Variants in LTN1 observed in about 807,000 individuals in gnomAD.
The protein encoded by LTN1 is E3 ubiquitin-protein ligase listerin.
Under a neutral mutation model 201.2 loss-of-function variants are expected in LTN1, and 88 were observed. That is an observed-to-expected ratio of 0.44 (90% CI 0.37 to 0.52). The LOEUF is 0.52. Among genes scored for constraint, LTN1 ranks in the 20% least tolerant of loss-of-function variants. The pLI is 0.00. For missense variants in LTN1, 1,752 were observed against 2,038.7 expected, an observed-to-expected ratio of 0.86 and a Z score of 2.71; for synonymous variants, 645 against 713.5, an observed-to-expected ratio of 0.90 and a Z score of 1.53.
intron 18 of LTN1, among the ~76,000 whole-genome samples, chr21:28,949,037 A>C (rs1439874283): frequency 6.6e-6 from 1 of 152,216 alleles, no homozygotes; most frequent in Non-Finnish European, 1.5e-5. Flanking sequence ...ACATTTAATG[A>C]ATCTTTTTGA....
rs755086943 is a variant in LTN1, at chr21:28,966,962, T to C, written c.1529A>G (p.Glu510Gly). The change falls in exon 10 of 30, where the codon GAG (glutamate) becomes GGG (glycine). Residue 510 changes from glutamate (E) to glycine (G), a missense_variant. Physicochemically the swap from Glu to Gly is moderately conservative, Grantham distance 98. Transcript: ENST00000361371. The stretch of plus-strand genomic sequence containing the variant: ...TAGGTTAGATACACCCAAAACGGAC[T>C]CAACATCAGCTTCTGGCTCACTGAT... The part of the protein sequence containing the change: ...AKISEPEADV[E>G]SVLGVSNLLQ... 9.9e-6 allele frequency: 16 copies of C among 1,613,896 alleles called. No homozygotes were observed. In the Admixed American group the frequency reaches 2.7e-4, roughly 27 times the overall value.
chr21:28,966,633 G>A lies in LTN1; in HGVS notation c.1858C>T (p.Leu620=). The A allele has an allele frequency of 6.2e-7, 1 of 1,614,096 alleles. No homozygotes were observed. The highest frequency in any genetic ancestry group is 8.5e-7 in the Non-Finnish European group (1 of 1,180,024). Residue 620 remains leucine (L), a synonymous_variant, in exon 10 of 30, where the codon CTG becomes TTG. Transcript: ENST00000361371. ...SEQHLRFLST[L]LDSFSSSRVF... ...CGGCTTGAAGAAAAGGAGTCAAGCA[G>A]AGTAGAAAGAAACCTTAGATGTTGC... is the stretch of plus-strand genomic sequence containing the variant.
chr21:28,947,615 A>AG lies in LTN1; in HGVS notation c.3345-10dup. 1.3e-6 allele frequency: 2 copies of AG among 1,537,062 alleles called. No individual in the cohort carries two copies. The highest frequency in any genetic ancestry group is 1.7e-6 in the Non-Finnish European group (2 of 1,148,434). On this transcript the variant is annotated splice_polypyrimidine_tract_variant and intron_variant, in intron 18 of 29. Coordinates refer to ENST00000361371, the MANE Select transcript of LTN1 (RefSeq NM_015565.3). ...CAGTTAGTGGAAAAAAACTGTTTAAAGAAAAAAAAAACACAAGTTAGATTT... is the reference window on the plus strand; with the variant it reads ...CAGTTAGTGGAAAAAAACTGTTTAAAGGAAAAAAAAAACACAAGTTAGATTT...
rs545869349 is a variant in LTN1, at chr21:28,932,333, T to A, written c.5070+137A>T. 5.4e-6 allele frequency: 4 copies of A among 738,558 alleles called. No individual in the cohort carries two copies. In the East Asian group the frequency reaches 9.9e-5, roughly 18 times the overall value. The allele number at this position is 738,558 out of a possible 1,614,324, so 45.8% of individuals were successfully genotyped here. The stretch of plus-strand genomic sequence containing the variant: ...AAGGCAGGTTTAATCCATTTAGGCA[T>A]ATCTCTGTATTTATCCAAGGAAGTT... On this transcript the variant is annotated intron_variant, in intron 28 of 29. Transcript: ENST00000361371.
At chr21:28,942,980 A>G (rs2084308757) in intron 24 of LTN1, among the ~76,000 whole-genome samples, 1 of 152,192 alleles carries the variant, frequency 6.6e-6, no homozygotes, top group Non-Finnish European at 1.5e-5. Flanking sequence ...GATGCTCAAT[A>G]GATACTTGAA....
At position 28,930,151 on chromosome 21, in the gene LTN1, T is replaced by G. The variant is rs1346119361; in HGVS notation, c.*297A>C. The G allele has an allele frequency of 3.4e-5, 8 of 237,568 alleles. No homozygotes were observed. The highest frequency in any genetic ancestry group is 6.4e-5 in the Non-Finnish European group (8 of 124,754). 14.7% of individuals were successfully genotyped at this position (237,568 alleles called of 1,614,324 possible). A position where few individuals can be genotyped will look rare whatever the true frequency, so the allele number is the denominator to read the frequency against. ...TTTTCACAAATTCCAATTCTGTAAT[T>G]TAGGGGTTTTTCATATTTATTTTTA... On this transcript the variant is annotated 3_prime_UTR_variant, in exon 30 of 30. Coordinates refer to ENST00000361371, the MANE Select transcript of LTN1 (RefSeq NM_015565.3).
intron 16 of LTN1, among the ~76,000 whole-genome samples, chr21:28,955,349 A>G (rs1409875710): frequency 6.6e-6 from 1 of 152,162 alleles, no homozygotes; most frequent in Admixed American, 6.6e-5. Context: ...ATGCAGAGAA[A>G]TAGGAACTTA....
intron 4 of LTN1, among the ~76,000 whole-genome samples, 175 bp from the exon 5 acceptor site, chr21:28,982,543 C>T (rs1437294680): frequency 2.0e-5 from 3 of 152,176 alleles, no homozygotes; most frequent in African/African-American, 7.2e-5. Context: ...TTTCCTTTTC[C>T]TATCAATTCC....
chr21:28,960,947 CTTT>C (rs61117798), intron 11 of LTN1: 3 of 272,440 alleles, frequency 1.1e-5, no homozygotes, highest in African/African-American at 7.1e-5. Flanking sequence ...CCACCCCCCC[CTTT>C]TTTTTTTAAC....
intron 6 of LTN1, among the ~76,000 whole-genome samples, chr21:28,976,162 A>C (rs908323644): frequency 2.0e-5 from 3 of 152,214 alleles, no homozygotes; most frequent in Non-Finnish European, 2.9e-5. Flanking sequence ...TGGTTATATA[A>C]GTATATATAC....
At chr21:28,947,679 T>G (rs2084349383) in intron 18 of LTN1, 73 bp from the exon 19 acceptor site, 4 of 868,744 alleles carry the variant, frequency 4.6e-6, no homozygotes, top group Admixed American at 3.5e-5. Context: ...TTCTTTTATT[T>G]AGACTACTGA....
chr21:28,956,762 T>C lies in LTN1; in HGVS notation c.3079A>G (p.Ile1027Val), dbSNP rs1290607981. The C allele has an allele frequency of 1.3e-6, 2 of 1,562,790 alleles. No individual in the cohort carries two copies. The highest frequency in any genetic ancestry group is 1.2e-5 in the South Asian group (1 of 85,850). Reference protein sequence around the residue: ...VLENNELEKIIAELLYSLQWC... With the variant: ...VLENNELEKIVAELLYSLQWC... ...TATGTAAATACTCATATATACTTAC[T>C]TATTTTCTCAAGCTCATTATTTTCT... Residue 1027 changes from isoleucine (I) to valine (V), a missense_variant and splice_region_variant, in exon 16 of 30, where the codon ATT becomes GTT. Physicochemically the swap from Ile to Val is conservative, Grantham distance 29 (BLOSUM62 3). This residue lies in a region of LTN1 where 1,211 missense variants were observed against 1,312.8 expected (regional missense o/e 0.92). Transcript: ENST00000361371.
chr21:28,951,624 T>G (rs2084383330), intron 18 of LTN1, among the ~76,000 whole-genome samples: 1 of 151,516 alleles, frequency 6.6e-6, no homozygotes, highest in South Asian at 2.1e-4. Context: ...AAAAAAAAAG[T>G]ACAGTATAAA....
intron 11 of LTN1, among the ~76,000 whole-genome samples, chr21:28,961,915 G>A (rs2084482450): frequency 6.6e-6 from 1 of 152,108 alleles, no homozygotes. Flanking sequence ...GGAGGCTGAG[G>A]CAGGAGAATC....
intron 27 of LTN1, among the ~76,000 whole-genome samples, chr21:28,933,040 A>G (rs1056239769): frequency 1.3e-5 from 2 of 152,140 alleles, no homozygotes; most frequent in African/African-American, 2.4e-5. Context: ...TTCCTCTACC[A>G]TATTATCCTC....
intron 1 of LTN1, among the ~76,000 whole-genome samples, chr21:28,990,803 T>C (rs1284621403): frequency 2.0e-5 from 3 of 152,164 alleles, no homozygotes; most frequent in African/African-American, 7.2e-5. Context: ...CTCTTCCAAA[T>C]TTTGTTAAAA....
intron 22 of LTN1, among the ~76,000 whole-genome samples, 177 bp downstream of exon 22, chr21:28,944,206 A>G (rs1356600101): frequency 6.6e-6 from 1 of 152,104 alleles, no homozygotes; most frequent in East Asian, 1.9e-4. Flanking sequence ...CCATTTTTCA[A>G]TTTCTGTCTG....
At chr21:28,967,924 G>A (rs1461892865) in intron 9 of LTN1, 3 of 152,114 alleles carry the variant, frequency 2.0e-5, no homozygotes, top group Admixed American at 6.5e-5. Context: ...TGCTTGCTGG[G>A]TGGGAGAAAT....
At chr21:28,955,840 T>C (rs2084420322) in intron 16 of LTN1, among the ~76,000 whole-genome samples, 1 of 148,486 alleles carries the variant, frequency 6.7e-6, no homozygotes, top group Admixed American at 6.9e-5. Context: ...GGAGAATCAC[T>C]TGAACCTGGG....
Sources: allele counts gnomAD v4.1 joint callset (sites outside exome capture counted in the v4.1 genomes callset), GRCh38; gene constraint gnomAD v4.1.1; regional missense constraint gnomAD v4.1.1; transcripts MANE v1.5; gene names NCBI Gene and HGNC (gene_info 2026-07-23, HGNC 2026-07-21).